The following NWD2 variants were observed in gnomAD, a reference collection of about 807,000 sequenced individuals.
The protein encoded by NWD2 is NACHT and WD repeat domain containing 2.
Under a neutral mutation model 132.7 loss-of-function variants are expected in NWD2, and 37 were observed. The observed-to-expected ratio is 0.28, with a 90% confidence interval of 0.21 to 0.37. NWD2 has a LOEUF of 0.37. NWD2 is among the 10% of genes least tolerant of loss of function. The probability of loss-of-function intolerance (pLI) is 1.00; values close to 1 mark genes in which losing one functional copy is unlikely to be tolerated. For synonymous variants in NWD2, 705 were observed against 803.0 expected, an observed-to-expected ratio of 0.88 and a Z score of 2.06; for missense variants, 1,592 against 2,122.4, an observed-to-expected ratio of 0.75 and a Z score of 4.91.
intron 3 of NWD2, among the ~76,000 whole-genome samples, chr4:37,403,718 G>A (rs1247005755): frequency 6.6e-6 from 1 of 152,182 alleles, no homozygotes; most frequent in Non-Finnish European, 1.5e-5. Flanking sequence ...TACATACACT[G>A]CAAACATGGG....
At chr4:37,305,907 G>C (rs1718701043) in intron 1 of NWD2, among the ~76,000 whole-genome samples, 1 of 152,110 alleles carries the variant, frequency 6.6e-6, no homozygotes, top group African/African-American at 2.4e-5. Context: ...TTTTGGAAAA[G>C]TTTGAGAAGA....
chr4:37,274,271 T>C (rs1717940337), intron 1 of NWD2, among the ~76,000 whole-genome samples: 1 of 152,048 alleles, frequency 6.6e-6, no homozygotes, highest in Non-Finnish European at 1.5e-5. Context: ...CCCACAGAAA[T>C]ACAAACTACC....
chr4:37,310,697 TATGTATACA>T, intron 1 of NWD2, among the ~76,000 whole-genome samples: 1 of 151,568 alleles, frequency 6.6e-6, no homozygotes, highest in Non-Finnish European at 1.5e-5. Context: ...GTTAGTTACA[TATGTATACA>T]TGTGCCATGC....
chr4:37,251,799 A>G (rs1403077423), intron 1 of NWD2, among the ~76,000 whole-genome samples: 1 of 152,196 alleles, frequency 6.6e-6, no homozygotes, highest in Non-Finnish European at 1.5e-5. Flanking sequence ...TGAATAATCA[A>G]CACCAAGAGA....
At chr4:37,391,846 G>C (rs532543477) in intron 3 of NWD2, among the ~76,000 whole-genome samples, 1 of 150,704 alleles carries the variant, frequency 6.6e-6, no homozygotes, top group South Asian at 2.1e-4. Context: ...CCAAATTTAA[G>C]AGATAATGAA....
intron 2 of NWD2, among the ~76,000 whole-genome samples, chr4:37,345,508 G>T (rs1168517608): frequency 6.6e-6 from 1 of 152,060 alleles, no homozygotes; most frequent in African/African-American, 2.4e-5. Context: ...ATTCTGTGAA[G>T]AAATGTCTAC....
chr4:37,321,082 G>A lies in NWD2; in HGVS notation c.152-4854G>A, dbSNP rs1577667239. ...TGAGGCATGAAAATTGCTTGAACCT[G>A]GGAGGTAGAGGTTGCAGTGAGCCGA... On this transcript the variant is annotated intron_variant, in intron 1 of 6. Coordinates refer to ENST00000309447, the MANE Select transcript of NWD2 (RefSeq NM_001144990.2). Among the ~76,000 whole-genome samples the A allele has an allele frequency of 2.0e-5, 3 of 152,038 alleles. No homozygotes were observed. In the East Asian group the frequency reaches 5.8e-4, roughly 29 times the overall value.
At chr4:37,274,262 C>A (rs1401595944) in intron 1 of NWD2, among the ~76,000 whole-genome samples, 4 of 151,958 alleles carry the variant, frequency 2.6e-5, no homozygotes, top group Non-Finnish European at 5.9e-5. Context: ...ACCACCGATC[C>A]CACAGAAATA....
chr4:37,256,913 T>C (rs544201666), intron 1 of NWD2, among the ~76,000 whole-genome samples: 2 of 152,264 alleles, frequency 1.3e-5, no homozygotes, highest in African/African-American at 4.8e-5. Context: ...AATTTGGGGC[T>C]CTCTTATTAA....
At chr4:37,374,347 C>A (rs1295412608) in intron 3 of NWD2, among the ~76,000 whole-genome samples, 1 of 152,092 alleles carries the variant, frequency 6.6e-6, no homozygotes, top group Admixed American at 6.6e-5. Context: ...GTACAGCCTG[C>A]AGAACAAGGA....
chr4:37,321,485 C>T (rs1719067152), intron 1 of NWD2, among the ~76,000 whole-genome samples: 1 of 151,912 alleles, frequency 6.6e-6, no homozygotes, highest in African/African-American at 2.4e-5. Context: ...TGTTAATGCA[C>T]CTTTTCAAAG....
intron 3 of NWD2, among the ~76,000 whole-genome samples, chr4:37,369,618 A>G (rs1193713987): frequency 6.6e-6 from 1 of 152,214 alleles, no homozygotes; most frequent in Non-Finnish European, 1.5e-5. Context: ...AAATTCGATG[A>G]ACATTCCCTG....
chr4:37,319,911 C>T (rs926849286), intron 1 of NWD2, among the ~76,000 whole-genome samples: 1 of 151,974 alleles, frequency 6.6e-6, no homozygotes, highest in Admixed American at 6.6e-5. Flanking sequence ...GTAATGTGAT[C>T]CCTCCAAATT....
chr4:37,276,698 G>A (rs572193532), intron 1 of NWD2, among the ~76,000 whole-genome samples: 5 of 152,132 alleles, frequency 3.3e-5, no homozygotes, highest in East Asian at 1.9e-4. Context: ...TATGTTTATC[G>A]CGGCACTATT....
At position 37,394,840 on chromosome 4, in the gene NWD2, T is replaced by A. The variant is rs1447253633; in HGVS notation, c.358-35732T>A. On this transcript the variant is annotated intron_variant, in intron 3 of 6. Transcript: ENST00000309447. Reference sequence around the variant, plus strand: ...TTTTTTTTTTTTTTGAGGCAGAGCCTCCCTCCACTGCCCAGGCTGGAGTGT... The same window carrying A: ...TTTTTTTTTTTTTTGAGGCAGAGCCACCCTCCACTGCCCAGGCTGGAGTGT... Among the ~76,000 whole-genome samples, 15 of 113,734 alleles carry A rather than the reference T, an allele frequency of 1.3e-4. No individual in the cohort carries two copies. The Admixed American group carries it at 1.3e-3, about 10-fold the overall frequency. 74.6% of individuals were successfully genotyped at this position (113,734 alleles called of 152,430 possible).
At chr4:37,385,115 C>T (rs1004546659) in intron 3 of NWD2, among the ~76,000 whole-genome samples, 29 of 152,110 alleles carry the variant, frequency 1.9e-4, no homozygotes, top group African/African-American at 6.3e-4. Flanking sequence ...GATGTAGACA[C>T]CTGCCAGCTA....
At chr4:37,319,059 C>G (rs1390879682) in intron 1 of NWD2, among the ~76,000 whole-genome samples, 2 of 152,168 alleles carry the variant, frequency 1.3e-5, no homozygotes, top group Non-Finnish European at 2.9e-5. Context: ...CTCCAAACTG[C>G]TTTCCACAGT....
chr4:37,311,497 T>C (rs1435656737), intron 1 of NWD2, among the ~76,000 whole-genome samples: 2 of 150,670 alleles, frequency 1.3e-5, no homozygotes, highest in African/African-American at 5.0e-5. Context: ...TTTTTTCTTG[T>C]AAATTTGTTT....
At chr4:37,411,040 T>A (rs1388881894) in intron 3 of NWD2, among the ~76,000 whole-genome samples, 1 of 151,988 alleles carries the variant, frequency 6.6e-6, no homozygotes, top group African/African-American at 2.4e-5. Context: ...CAAGAGAGTG[T>A]AGGAAAGATC....
Sources: allele counts gnomAD v4.1 joint callset (sites outside exome capture counted in the v4.1 genomes callset), GRCh38; gene constraint gnomAD v4.1.1; transcripts MANE v1.5; gene names NCBI Gene and HGNC (gene_info 2026-07-23, HGNC 2026-07-21).